RELN: variants seen among roughly 807,000 people sequenced by gnomAD.
The protein encoded by RELN is reelin.
Under a neutral mutation model 427.6 loss-of-function variants are expected in RELN, and 108 were observed. That is an observed-to-expected ratio of 0.25 (90% CI 0.22 to 0.30). The LOEUF is 0.30. RELN is among the 10% of genes least tolerant of loss of function. The pLI is 1.00. For missense variants in RELN, 3,715 were observed against 4,302.8 expected (o/e 0.86, Z 3.82); for synonymous variants, 1,524 against 1,513.4 (o/e 1.01, Z -0.16).
At chr7:103,624,099 C>G (rs1054027106) in intron 20 of RELN, among the ~76,000 whole-genome samples, 1 of 152,092 alleles carries the variant, frequency 6.6e-6, no homozygotes, top group Non-Finnish European at 1.5e-5. Flanking sequence ...GATAAACAGG[C>G]TTTTAGGATC....
At chr7:103,695,040 T>C (rs1833949305) in intron 10 of RELN, among the ~76,000 whole-genome samples, 1 of 152,098 alleles carries the variant, frequency 6.6e-6, no homozygotes, top group Admixed American at 6.6e-5. Context: ...TAAAACAATG[T>C]TTTAAACACA....
At chr7:103,889,230 A>C (rs765267425) in intron 2 of RELN, among the ~76,000 whole-genome samples, 2 of 152,198 alleles carry the variant, frequency 1.3e-5, no homozygotes, top group African/African-American at 2.4e-5. Flanking sequence ...ATGTAAGTAA[A>C]ACACTCTTGC....
chr7:103,552,052 T>C (rs1192881972), intron 40 of RELN, among the ~76,000 whole-genome samples: 1 of 152,044 alleles, frequency 6.6e-6, no homozygotes, highest in Non-Finnish European at 1.5e-5. Context: ...TCTCTAGACG[T>C]ACTCATCCTT....
At chr7:103,907,756 G>A (rs536567611) in intron 2 of RELN, among the ~76,000 whole-genome samples, 28 of 143,972 alleles carry the variant, frequency 1.9e-4, no homozygotes, top group Admixed American at 1.8e-3. Flanking sequence ...TATGATGTCA[G>A]AAAGCCTGTT....
intron 46 of RELN, among the ~76,000 whole-genome samples, chr7:103,525,208 G>T (rs1244244726): frequency 1.3e-5 from 2 of 152,120 alleles, no homozygotes; most frequent in Non-Finnish European, 2.9e-5. Context: ...TCCTCACAGA[G>T]AAATTTTCTT....
chr7:103,908,466 T>C (rs1170550336), intron 2 of RELN, among the ~76,000 whole-genome samples: 2 of 152,162 alleles, frequency 1.3e-5, no homozygotes, highest in Non-Finnish European at 2.9e-5. Flanking sequence ...TTGCTCAAGT[T>C]AGCAAGAAAC....
At chr7:103,672,936 T>C (rs1833426114) in intron 11 of RELN, among the ~76,000 whole-genome samples, 1 of 152,120 alleles carries the variant, frequency 6.6e-6, no homozygotes, top group Non-Finnish European at 1.5e-5. Flanking sequence ...TTCTATCTTA[T>C]TTTAATATGC....
chr7:103,589,879 A>G, intron 27 of RELN, 51 bp from the exon 28 acceptor site: 6 of 1,136,412 alleles, frequency 5.3e-6, no homozygotes, highest in Non-Finnish European at 8.0e-6. Flanking sequence ...CTAAGTCATC[A>G]CTCAACAAAT....
chr7:103,956,661 C>A (rs970775597), intron 1 of RELN, among the ~76,000 whole-genome samples: 1 of 152,080 alleles, frequency 6.6e-6, no homozygotes, highest in Non-Finnish European at 1.5e-5. Context: ...GTGTTTACAT[C>A]TTCTCCCAAA....
At chr7:103,822,151 C>T (rs1398267015) in intron 3 of RELN, among the ~76,000 whole-genome samples, 1 of 151,670 alleles carries the variant, frequency 6.6e-6, no homozygotes, top group Non-Finnish European at 1.5e-5. Flanking sequence ...TTTTTAATTT[C>T]CTCAAATTGT....
In RELN at chr7:103,916,955, CTT is replaced by C. The variant is rs1326387906; in HGVS notation, c.337+118_337+119del. 6 of 819,030 alleles carry C rather than the reference CTT, an allele frequency of 7.3e-6. No homozygotes were observed. The Admixed American group carries it at 1.2e-4, about 16-fold the overall frequency. 50.7% of individuals were successfully genotyped at this position (819,030 alleles called of 1,614,324 possible). A position where few individuals can be genotyped will look rare whatever the true frequency, so the allele number is the denominator to read the frequency against. On this transcript the variant is annotated intron_variant, in intron 2 of 64. Transcript: ENST00000428762. ...AGCAAACACACACAAAAACAAAACA[CTT>C]CAGATTATTTTCTTGGAAGTAATAA...
chr7:103,633,380 C>A (rs1832511854), intron 19 of RELN, among the ~76,000 whole-genome samples: 1 of 151,720 alleles, frequency 6.6e-6, no homozygotes. Flanking sequence ...AATTTGTTAT[C>A]TAGAATGTAT....
chr7:103,660,282 TG>T (rs1833111154), intron 12 of RELN, among the ~76,000 whole-genome samples: 1 of 152,144 alleles, frequency 6.6e-6, no homozygotes. Flanking sequence ...TTTGATAAAA[TG>T]AGAGCCAGTT....
chr7:103,626,914 A>G lies in RELN; in HGVS notation c.2702+3026T>C, dbSNP rs1483722486. 6.6e-6 allele frequency among the ~76,000 whole-genome samples: 1 copy of G among 152,126 alleles called. No individual in the cohort carries two copies. The highest frequency in any genetic ancestry group is 1.5e-5 in the Non-Finnish European group (1 of 67,968). ...ATACTATGTATGGAAGAAAGTATTC[A>G]AAGAATTCAAAGCAATTCATTTCTC... is the stretch of plus-strand genomic sequence containing the variant. On this transcript the variant is annotated intron_variant, in intron 20 of 64. Transcript: ENST00000428762. The surrounding 1 kb of genome is among the most constrained non-coding windows in gnomAD (Gnocchi z 4.4).
In RELN at chr7:103,486,271, A is replaced by T. The variant is rs747444295; in HGVS notation, c.9909T>A (p.His3303Gln). Residue 3303 changes from histidine (H) to glutamine (Q), a missense_variant, in exon 61 of 65, where the codon CAT becomes CAA. Around this residue, in one of 4 missense-constraint regions of RELN, gnomAD observed 195 missense variants for 281.3 expected, o/e 0.69. Transcript: ENST00000428762. ...AGCCATTAAAGTACAGTGAGTCTCCATGGGCGTAGGGGGCCAGCTGCCCAC... is the reference window on the plus strand; with the variant it reads ...AGCCATTAAAGTACAGTGAGTCTCCTTGGGCGTAGGGGGCCAGCTGCCCAC... ...SGCGQLAPYA[H>Q]GDSLYFNGCQ... is the part of the protein sequence containing the mutation. 6.2e-7 allele frequency: 1 copy of T among 1,614,176 alleles called. No homozygotes were observed. The highest frequency in any genetic ancestry group is 1.1e-5 in the South Asian group (1 of 91,086).
At chr7:103,907,414 GGAAAAAAAAAAAAAA>G (rs1795235499) in intron 2 of RELN, among the ~76,000 whole-genome samples, 2 of 39,690 alleles carry the variant, frequency 5.0e-5, no homozygotes, top group Admixed American at 7.0e-4. Flanking sequence ...TCAAGGCTCT[GGAAAAAAAAAAAAAA>G]AAAAAAAAAA....
In RELN at chr7:103,650,397, A is replaced by G. The variant is rs1199405213; in HGVS notation, c.1893-14T>C. 3.4e-6 allele frequency: 5 copies of G among 1,459,412 alleles called. No homozygotes were observed. The Admixed American group carries it at 6.7e-5, about 20-fold the overall frequency. The allele number at this position is 1,459,412 out of a possible 1,614,324, so 90.4% of individuals were successfully genotyped here. A position where few individuals can be genotyped will look rare whatever the true frequency, so the allele number is the denominator to read the frequency against. On this transcript the variant is annotated splice_polypyrimidine_tract_variant and intron_variant, in intron 15 of 64. Transcript: ENST00000428762. ...ATTCGGTTCCACCTGCAAGAAATTT[A>G]GCACAAAACCATCTTCACAACTATG...
At chr7:103,792,050 A>C (rs1792176459) in intron 3 of RELN, among the ~76,000 whole-genome samples, 1 of 152,218 alleles carries the variant, frequency 6.6e-6, no homozygotes, top group Admixed American at 6.5e-5. Context: ...TAGAATAAAA[A>C]AAGATAGACA....
intron 1 of RELN, among the ~76,000 whole-genome samples, chr7:103,958,727 A>G (rs1310302658): frequency 1.3e-5 from 2 of 152,236 alleles, no homozygotes; most frequent in East Asian, 3.8e-4. Context: ...AATCTTACTG[A>G]ATTGAGATTA....
Sources: allele counts gnomAD v4.1 joint callset (sites outside exome capture counted in the v4.1 genomes callset), GRCh38; gene constraint gnomAD v4.1.1; regional missense constraint gnomAD v4.1.1; non-coding constraint Gnocchi (gnomAD v3.1); transcripts MANE v1.5; gene names NCBI Gene and HGNC (gene_info 2026-07-23, HGNC 2026-07-21).